The following TCF7L1 variants were observed in gnomAD, a reference collection of about 807,000 sequenced individuals.
TCF7L1 encodes transcription factor 7-like 1.
In TCF7L1, 18 loss-of-function variants were observed where a neutral mutation model predicts 63.7. That is an observed-to-expected ratio of 0.28 (90% CI 0.20 to 0.42). The LOEUF (loss-of-function observed/expected upper bound fraction) is 0.42. Ranked by LOEUF, TCF7L1 falls within the 10% of genes least tolerant of loss-of-function variation. The pLI is 1.00. For missense variants in TCF7L1, 654 were observed against 779.3 expected (o/e 0.84, Z 1.91); for synonymous variants, 355 against 340.9 (o/e 1.04, Z -0.46).
intron 3 of TCF7L1, among the ~76,000 whole-genome samples, chr2:85,137,828 G>T (rs1677630367): frequency 6.6e-6 from 1 of 151,676 alleles, no homozygotes; most frequent in African/African-American, 2.4e-5. Flanking sequence ...GGGAGGCAGA[G>T]GTTGCAATGA....
intron 3 of TCF7L1, among the ~76,000 whole-genome samples, chr2:85,165,612 C>T (rs948412097): frequency 8.5e-5 from 13 of 152,124 alleles, no homozygotes; most frequent in Non-Finnish European, 1.5e-5. Context: ...AACACTAAAG[C>T]TGGGGTTGGA....
intron 3 of TCF7L1, among the ~76,000 whole-genome samples, chr2:85,144,705 T>TTC (rs59431131): frequency 2.3e-3 from 340 of 146,364 alleles, no homozygotes; most frequent in African/African-American, 4.6e-3. Flanking sequence ...CCATCCCCCT[T>TTC]TCTCTCTCTC....
At position 85,134,426 on chromosome 2, in the gene TCF7L1, C is replaced by G. The variant is rs1216438402; in HGVS notation, c.417C>G (p.Pro139=). 1 of 1,560,454 alleles carries G rather than the reference C, an allele frequency of 6.4e-7. No individual in the cohort carries two copies. Among genetic ancestry groups the G allele is most frequent in the Non-Finnish European group, 8.7e-7 (1 of 1,151,958 alleles). ...GCAGCCCGTACCTCTCCAACGGACC[C>G]CTGTCTCCCGGAGGAGCGCGCACCG... The part of the protein sequence containing the change: ...DLSSPYLSNG[P]LSPGGARTYL... The change falls in exon 3 of 12, where the codon CCC becomes CCG. Residue 139 remains proline (P), a synonymous_variant. Coordinates refer to ENST00000282111, the MANE Select transcript of TCF7L1 (RefSeq NM_031283.3). The surrounding 1 kb of genome is among the most constrained non-coding windows in gnomAD (Gnocchi z 5.0).
rs555737911 is a variant in TCF7L1, at chr2:85,303,685, AG to A, written c.659-205del. 1.1e-5 allele frequency: 5 copies of A among 446,636 alleles called. No homozygotes were observed. In the South Asian group the frequency reaches 1.8e-4, roughly 16 times the overall value. 27.7% of individuals were successfully genotyped at this position (446,636 alleles called of 1,614,324 possible). A position where few individuals can be genotyped will look rare whatever the true frequency, so the allele number is the denominator to read the frequency against. On this transcript the variant is annotated intron_variant, in intron 5 of 11. Transcript: ENST00000282111. ...AGAGATAGAATCCGTGCAGCTAGAG[AG>A]GGGGTGCATTAGTCCTGCCTCCCCT...
chr2:85,141,951 G>C (rs1677748681), intron 3 of TCF7L1, among the ~76,000 whole-genome samples: 1 of 152,154 alleles, frequency 6.6e-6, no homozygotes, highest in Admixed American at 6.5e-5. Context: ...TGGCAGTAGG[G>C]AGACTGCAGG....
intron 3 of TCF7L1, among the ~76,000 whole-genome samples, chr2:85,246,239 T>C (rs1680461274): frequency 6.6e-6 from 1 of 152,222 alleles, no homozygotes; most frequent in South Asian, 2.1e-4. Context: ...ACAGGCTTAG[T>C]GGAATCTTAA....
intron 3 of TCF7L1, among the ~76,000 whole-genome samples, chr2:85,204,035 A>G (rs1252786089): frequency 2.6e-5 from 4 of 152,100 alleles, no homozygotes; most frequent in African/African-American, 9.7e-5. Context: ...TGAATGAAAG[A>G]TTTATTTCAT....
In TCF7L1 at chr2:85,133,962, G is replaced by T; in HGVS notation, c.249+29G>T. The T allele has an allele frequency of 6.3e-7, 1 of 1,578,568 alleles. No individual in the cohort carries two copies. Among genetic ancestry groups the T allele is most frequent in the South Asian group, 1.2e-5 (1 of 86,522 alleles). On this transcript the variant is annotated intron_variant, in intron 1 of 11. Transcript: ENST00000282111. The surrounding 1 kb of genome is among the most constrained non-coding windows in gnomAD (Gnocchi z 4.4). ...AGGAAGCACCGCGGCCACCCCCGGG[G>T]GATCCCGGCCCTGCGTCCGCTCACC...
intron 3 of TCF7L1, among the ~76,000 whole-genome samples, chr2:85,153,957 T>G (rs1368256012): frequency 1.3e-5 from 2 of 152,268 alleles, no homozygotes; most frequent in Non-Finnish European, 2.9e-5. Flanking sequence ...ACTTCGGGTA[T>G]CTTTCCATGT....
intron 3 of TCF7L1, among the ~76,000 whole-genome samples, chr2:85,206,675 A>C (rs1679417118): frequency 6.6e-6 from 1 of 152,140 alleles, no homozygotes; most frequent in Non-Finnish European, 1.5e-5. Flanking sequence ...TATTTGAGGG[A>C]TCTCCTGTGG....
chr2:85,158,050 GGAA>G (rs1490760598), intron 3 of TCF7L1, among the ~76,000 whole-genome samples: 1 of 152,188 alleles, frequency 6.6e-6, no homozygotes, highest in East Asian at 1.9e-4. Flanking sequence ...CAGGGAAGGA[GGAA>G]GGACTGGAGT....
At position 85,191,152 on chromosome 2, in the gene TCF7L1, G is replaced by A. The variant is rs1204846783; in HGVS notation, c.441+56702G>A. The stretch of plus-strand genomic sequence containing the variant: ...AAACACTTGCCAAGCTGCCAGTGCC[G>A]AGTGGTGGTATCAGTGCTGAGGACA... On this transcript the variant is annotated intron_variant, in intron 3 of 11. Coordinates refer to ENST00000282111, the MANE Select transcript of TCF7L1 (RefSeq NM_031283.3). 4.6e-5 allele frequency among the ~76,000 whole-genome samples: 7 copies of A among 151,974 alleles called. No homozygotes were observed. The East Asian group carries it at 7.7e-4, about 17-fold the overall frequency.
At chr2:85,295,673 GT>G (rs2104381501) in intron 4 of TCF7L1, among the ~76,000 whole-genome samples, 1 of 151,210 alleles carries the variant, frequency 6.6e-6, no homozygotes, top group South Asian at 2.1e-4. Flanking sequence ...TGGAAACATT[GT>G]GACCCTTTAC....
chr2:85,230,910 T>C (rs746738272), intron 3 of TCF7L1, among the ~76,000 whole-genome samples: 13 of 152,186 alleles, frequency 8.5e-5, no homozygotes, highest in Non-Finnish European at 1.8e-4. Flanking sequence ...CTGTTAGTTT[T>C]CCATAAAGGA....
At position 85,181,209 on chromosome 2, in the gene TCF7L1, A is replaced by G. The variant is rs185368145; in HGVS notation, c.441+46759A>G. ...GAGAGAGGGCTGGAAGAAGTGGTAA[A>G]TAGATGGACCTGCCCAATGAGAGTA... On this transcript the variant is annotated intron_variant, in intron 3 of 11. Coordinates refer to ENST00000282111, the MANE Select transcript of TCF7L1 (RefSeq NM_031283.3). 1.2e-4 allele frequency among the ~76,000 whole-genome samples: 18 copies of G among 152,304 alleles called. No homozygotes were observed. In the East Asian group the frequency reaches 3.3e-3, roughly 28 times the overall value.
chr2:85,307,808 G>GGA, intron 11 of TCF7L1, 91 bp downstream of exon 11: 5 of 1,215,906 alleles, frequency 4.1e-6, no homozygotes, highest in Non-Finnish European at 6.0e-6. Flanking sequence ...GATGGGTCAG[G>GGA]GCTTCTGCCT....
At chr2:85,240,361 G>A (rs1389659975) in intron 3 of TCF7L1, among the ~76,000 whole-genome samples, 1 of 152,250 alleles carries the variant, frequency 6.6e-6, no homozygotes, top group African/African-American at 2.4e-5. Context: ...GGCTGTCATC[G>A]CAGAGGGTGT....
At chr2:85,177,743 C>T (rs1355160312) in intron 3 of TCF7L1, among the ~76,000 whole-genome samples, 2 of 152,084 alleles carry the variant, frequency 1.3e-5, no homozygotes, top group Non-Finnish European at 1.5e-5. Flanking sequence ...AGGGAAAAGA[C>T]GATTATAATC....
rs1682244597 is a variant in TCF7L1, at chr2:85,310,151, GATC to G, written c.*693_*695del. On this transcript the variant is annotated 3_prime_UTR_variant, in exon 12 of 12. Transcript: ENST00000282111. ...GTTCCTCCCCGTCCTTGCCAGTGGCGATCATCCCTTCACAATCCCAGAGTGGCA... is the reference window on the plus strand; with the variant it reads ...GTTCCTCCCCGTCCTTGCCAGTGGCGATCCCTTCACAATCCCAGAGTGGCA... 6.5e-6 allele frequency: 1 copy of G among 152,726 alleles called. No homozygotes were observed. The highest frequency in any genetic ancestry group is 2.4e-5 in the African/African-American group (1 of 41,556). 9.5% of individuals were successfully genotyped at this position (152,726 alleles called of 1,614,324 possible).
Sources: allele counts gnomAD v4.1 joint callset (sites outside exome capture counted in the v4.1 genomes callset), GRCh38; gene constraint gnomAD v4.1.1; non-coding constraint Gnocchi (gnomAD v3.1); transcripts MANE v1.5; gene names NCBI Gene and HGNC (gene_info 2026-07-23, HGNC 2026-07-21).